FHIT: variants seen among roughly 807,000 people sequenced by gnomAD.
The protein encoded by FHIT is fragile histidine triad diadenosine triphosphatase.
A neutral mutation model predicts 17.9 loss-of-function variants in FHIT; 19 were observed. The ratio of observed to expected loss-of-function variants is 1.06; its 90% CI spans 0.74 to 1.56. FHIT has a LOEUF of 1.56. FHIT is among the 40% of genes most tolerant of loss of function. The pLI, the probability that FHIT is intolerant of heterozygous loss-of-function variation, is 0.00. For synonymous variants in FHIT, 81 were observed against 69.7 expected, an observed-to-expected ratio of 1.16 and a Z score of -0.81; for missense variants, 248 against 189.2, an observed-to-expected ratio of 1.31 and a Z score of -1.82.
In FHIT at chr3:60,630,348, C is replaced by A. The variant is rs144698616; in HGVS notation, c.-17-93369G>T. 1.2e-3 allele frequency among the ~76,000 whole-genome samples: 189 copies of A among 152,282 alleles called. 4 individuals carry two copies. Among genetic ancestry groups the A allele is most frequent in the East Asian group, 9.1e-3 (47 of 5,186 alleles). The stretch of plus-strand genomic sequence containing the variant: ...ATGATTTTGAATAATCAGCCTCTAC[C>A]CTATTCCCCCAGGGAGACTAAAATG... On this transcript the variant is annotated intron_variant, in intron 4 of 9. Coordinates refer to ENST00000492590, the MANE Select transcript of FHIT (RefSeq NM_002012.4).
chr3:60,095,722 T>C (rs1703918928), intron 5 of FHIT, among the ~76,000 whole-genome samples: 1 of 152,158 alleles, frequency 6.6e-6, no homozygotes. Flanking sequence ...ATAAATCAGA[T>C]CTCTCACAGG....
chr3:60,094,965 G>A (rs1703881729), intron 5 of FHIT, among the ~76,000 whole-genome samples: 1 of 152,302 alleles, frequency 6.6e-6, no homozygotes, highest in Non-Finnish European at 1.5e-5. Context: ...CATCCCTAGA[G>A]TCTTGATCAT....
chr3:61,034,248 G>T (rs1175082190), intron 3 of FHIT, among the ~76,000 whole-genome samples: 1 of 151,840 alleles, frequency 6.6e-6, no homozygotes, highest in Admixed American at 6.6e-5. Flanking sequence ...AGCAACAAAA[G>T]AAAAAATAGA....
At chr3:60,562,055 T>C (rs1215835401) in intron 4 of FHIT, among the ~76,000 whole-genome samples, 1 of 152,168 alleles carries the variant, frequency 6.6e-6, no homozygotes, top group African/African-American at 2.4e-5. Flanking sequence ...TTCCCTATGT[T>C]TGAGTTCTCA....
At chr3:60,856,444 T>C (rs1703385565) in intron 3 of FHIT, 1 of 152,018 alleles carries the variant, frequency 6.6e-6, no homozygotes, top group Admixed American at 6.6e-5. Context: ...AAAAAAACAA[T>C]GATCAATGGC....
At chr3:60,146,959 G>C (rs1392208785) in intron 5 of FHIT, among the ~76,000 whole-genome samples, 1 of 152,128 alleles carries the variant, frequency 6.6e-6, no homozygotes, top group Non-Finnish European at 1.5e-5. Flanking sequence ...TATAATTGCT[G>C]CATAAATTTA....
intron 5 of FHIT, among the ~76,000 whole-genome samples, chr3:60,359,662 A>C (rs17062817): frequency 0.021 from 3,141 of 150,498 alleles, 66 homozygotes; most frequent in African/African-American, 0.055. Context: ...TGTTTTCGCC[A>C]AAGAGACAGG....
At chr3:60,207,620 G>C (rs986796990) in intron 5 of FHIT, among the ~76,000 whole-genome samples, 28 of 152,048 alleles carry the variant, frequency 1.8e-4, no homozygotes, top group African/African-American at 6.8e-4. Flanking sequence ...GCGGTGATGA[G>C]AACAACGTAT....
chr3:59,974,391 A>G (rs1339396385), intron 7 of FHIT, among the ~76,000 whole-genome samples: 1 of 152,148 alleles, frequency 6.6e-6, no homozygotes, highest in East Asian at 1.9e-4. Flanking sequence ...TAGATGCTTC[A>G]TTTCTACAAT....
chr3:60,640,199 G>C (rs2039691144), intron 4 of FHIT, among the ~76,000 whole-genome samples: 1 of 152,144 alleles, frequency 6.6e-6, no homozygotes, highest in African/African-American at 2.4e-5. Context: ...TCTGCACCTT[G>C]ATTTTGGTGG....
intron 3 of FHIT, among the ~76,000 whole-genome samples, chr3:61,040,874 C>T (rs1175580527): frequency 6.6e-6 from 1 of 152,164 alleles, no homozygotes; most frequent in African/African-American, 2.4e-5. Context: ...CAGCTGAGGG[C>T]CCAGGCCTGA....
intron 5 of FHIT, among the ~76,000 whole-genome samples, chr3:60,524,162 C>G (rs956730917): frequency 6.6e-6 from 1 of 151,344 alleles, no homozygotes; most frequent in Non-Finnish European, 1.5e-5. Context: ...AGAATCATCC[C>G]TGCCCTCAGA....
intron 4 of FHIT, among the ~76,000 whole-genome samples, chr3:60,700,909 T>C (rs1553701949): frequency 2.0e-5 from 3 of 152,196 alleles, no homozygotes; most frequent in African/African-American, 7.2e-5. Context: ...TTCTCAAATA[T>C]GGTATATAAC....
intron 3 of FHIT, among the ~76,000 whole-genome samples, chr3:60,954,960 A>G (rs1302194521): frequency 6.6e-6 from 1 of 152,166 alleles, no homozygotes; most frequent in East Asian, 1.9e-4. Context: ...ATAAACAGAG[A>G]AAGTTGTATC....
intron 8 of FHIT, among the ~76,000 whole-genome samples, chr3:59,874,520 C>T (rs1703064888): frequency 6.6e-6 from 1 of 152,114 alleles, no homozygotes; most frequent in Non-Finnish European, 1.5e-5. Context: ...GATGCTGATG[C>T]TGCTGGTCCA....
In FHIT at chr3:60,294,626, C is replaced by A. The variant is rs1266549332; in HGVS notation, c.103+242234G>T. On this transcript the variant is annotated intron_variant, in intron 5 of 9. Coordinates refer to ENST00000492590, the MANE Select transcript of FHIT (RefSeq NM_002012.4). The stretch of plus-strand genomic sequence containing the variant: ...TGTGTTTTTCCCCCACCATACAGAA[C>A]ATTACCATTCGCACAAAGGTCCCTC... Among the ~76,000 whole-genome samples the A allele has an allele frequency of 5.3e-5, 8 of 152,268 alleles. No individual in the cohort carries two copies. In the South Asian group the frequency reaches 8.3e-4, roughly 16 times the overall value.
At position 60,556,070 on chromosome 3, in the gene FHIT, A is replaced by C. The variant is rs144911474; in HGVS notation, c.-17-19091T>G. ...TGTATAAGGACTTCCTGGAGCTAAG[A>C]GTTCTCAAAGGGAACACTAATTGGT... On this transcript the variant is annotated intron_variant, in intron 4 of 9. Coordinates refer to ENST00000492590, the MANE Select transcript of FHIT (RefSeq NM_002012.4). 4.5e-3 allele frequency among the ~76,000 whole-genome samples: 691 copies of C among 152,300 alleles called. 7 individuals are homozygous for C. The highest frequency in any genetic ancestry group is 0.016 in the African/African-American group (648 of 41,552).
At chr3:60,766,472 G>C (rs1225329925) in intron 4 of FHIT, among the ~76,000 whole-genome samples, 1 of 103,624 alleles carries the variant, frequency 9.7e-6, no homozygotes, top group African/African-American at 5.0e-5. Context: ...CTTTAGGGAG[G>C]ACCTGGGAGT....
chr3:60,297,897 C>G (rs1250164028), intron 5 of FHIT, among the ~76,000 whole-genome samples: 1 of 152,040 alleles, frequency 6.6e-6, no homozygotes, highest in Non-Finnish European at 1.5e-5. Context: ...AGTTGTGTAC[C>G]CCAGGCTGTG....
Sources: gnomAD v4.1 joint callset for allele counts (sites outside exome capture counted in the v4.1 genomes callset) on GRCh38, gnomAD v4.1.1 for gene constraint, MANE v1.5 for transcripts, NCBI Gene and HGNC (gene_info 2026-07-23, HGNC 2026-07-21) for gene names.